The following EHD3 variants were observed in gnomAD, a reference collection of about 807,000 sequenced individuals.
EHD3 encodes EH domain-containing protein 3.
A neutral mutation model predicts 43.0 loss-of-function variants in EHD3; 17 were observed. The ratio of observed to expected loss-of-function variants is 0.40; its 90% CI spans 0.27 to 0.59. The LOEUF is 0.59. Ranked by LOEUF, EHD3 falls within the 20% of genes least tolerant of loss-of-function variation. The pLI, the probability that EHD3 is intolerant of heterozygous loss-of-function variation, is 0.49. For missense variants in EHD3, 594 were observed against 705.6 expected (o/e 0.84, Z 1.79); for synonymous variants, 313 against 289.5 (o/e 1.08, Z -0.82).
chr2:31,246,680 C>A (rs538922299), intron 2 of EHD3, among the ~76,000 whole-genome samples: 1 of 152,224 alleles, frequency 6.6e-6, no homozygotes, highest in South Asian at 2.1e-4. Context: ...TCAAACCCAG[C>A]AAGTCTCATT....
chr2:31,239,456 C>T (rs756344241), intron 1 of EHD3, among the ~76,000 whole-genome samples: 5 of 152,230 alleles, frequency 3.3e-5, no homozygotes, highest in African/African-American at 4.8e-5. Flanking sequence ...CCGCGTGCCT[C>T]GGCCTGGCTT....
At chr2:31,239,291 C>T (rs1683375577) in intron 1 of EHD3, among the ~76,000 whole-genome samples, 1 of 152,204 alleles carries the variant, frequency 6.6e-6, no homozygotes, top group African/African-American at 2.4e-5. Flanking sequence ...CCACCTTCAG[C>T]CCTGTCCACC....
rs888204925 is a variant in EHD3 at position 31,244,989 on chromosome 2, T to C, written c.404+539T>C. The stretch of plus-strand genomic sequence containing the variant: ...AGCCTTGCAGATACCAAGATCATCA[T>C]GATGATGTGAATGGAGAAAGCTCTA... On this transcript the variant is annotated intron_variant, in intron 2 of 5. Coordinates refer to ENST00000322054, the MANE Select transcript of EHD3 (RefSeq NM_014600.3). 7.0e-4 allele frequency among the ~76,000 whole-genome samples: 107 copies of C among 152,188 alleles called. 1 individual carries two copies. Among genetic ancestry groups the C allele is most frequent in the Non-Finnish European group, 2.9e-4 (20 of 68,040 alleles).
chr2:31,266,399 G>A lies in EHD3; in HGVS notation c.1303G>A (p.Asp435Asn), dbSNP rs765964312. The A allele has an allele frequency of 9.3e-6, 15 of 1,613,944 alleles. No individual in the cohort carries two copies. Among genetic ancestry groups the A allele is most frequent in the Admixed American group, 3.3e-5 (2 of 59,992 alleles). Residue 435 changes from aspartate (D) to asparagine (N), a missense_variant, in exon 6 of 6, where the codon GAT becomes AAT. Physicochemically the swap from Asp to Asn is conservative, Grantham distance 23. Around this residue, in one of 3 missense-constraint regions of EHD3, gnomAD observed 322 missense variants for 348.0 expected, o/e 0.93. Transcript: ENST00000322054. This position sits in a 1 kb window ranked among gnomAD's most constrained non-coding sequence, Gnocchi z 5.1. ...TGGGGAGGGGGCTGGAGAAGGTATC[G>A]ATGATGCTGAGTGGGTGGTGGCCAG... is the stretch of plus-strand genomic sequence containing the variant. ...GYGEGAGEGIDDAEWVVARDK... is the reference protein window; with the variant it reads ...GYGEGAGEGINDAEWVVARDK...
At chr2:31,261,235 A>G (rs1558652249) in intron 4 of EHD3, among the ~76,000 whole-genome samples, 1 of 152,186 alleles carries the variant, frequency 6.6e-6, no homozygotes, top group East Asian at 1.9e-4. Context: ...AGCCCTCATC[A>G]CAGTGTCTGG....
chr2:31,252,980 T>G (rs1032113852), intron 3 of EHD3, among the ~76,000 whole-genome samples: 2 of 152,100 alleles, frequency 1.3e-5, no homozygotes, highest in Non-Finnish European at 2.9e-5. Context: ...ACCAGGACAG[T>G]TGGGGGAAGG....
intron 3 of EHD3, among the ~76,000 whole-genome samples, chr2:31,250,239 T>C (rs977198115): frequency 6.6e-6 from 1 of 151,806 alleles, no homozygotes; most frequent in Non-Finnish European, 1.5e-5. Flanking sequence ...TGAGGGATTA[T>C]AGATGATCAT....
At chr2:31,246,900 C>CTT (rs531957552) in intron 2 of EHD3, among the ~76,000 whole-genome samples, 14 of 143,696 alleles carry the variant, frequency 9.7e-5, no homozygotes, top group African/African-American at 3.3e-4. Flanking sequence ...CAGTGGTTAC[C>CTT]TTTTTTTTTT....
intron 1 of EHD3, among the ~76,000 whole-genome samples, chr2:31,242,989 A>T (rs1281929504): frequency 6.6e-6 from 1 of 151,478 alleles, no homozygotes; most frequent in Non-Finnish European, 1.5e-5. Flanking sequence ...TAAATAAATA[A>T]AATCAGGTCA....
intron 1 of EHD3, among the ~76,000 whole-genome samples, chr2:31,239,379 A>G (rs1205605673): frequency 7.2e-5 from 11 of 152,148 alleles, no homozygotes; most frequent in Admixed American, 7.2e-4. Context: ...GTGAAAATCC[A>G]CCTGCTTCTT....
At chr2:31,246,549 TAA>T (rs1401528995) in intron 2 of EHD3, among the ~76,000 whole-genome samples, 1 of 152,214 alleles carries the variant, frequency 6.6e-6, no homozygotes, top group East Asian at 1.9e-4. Flanking sequence ...ATTGTGCTTA[TAA>T]TGATATAGTG....
At chr2:31,235,789 G>A (rs769779577) in intron 1 of EHD3, among the ~76,000 whole-genome samples, 2 of 152,308 alleles carry the variant, frequency 1.3e-5, no homozygotes, top group Non-Finnish European at 2.9e-5. Flanking sequence ...TCCACCAGAG[G>A]CCCTTCTTAT....
At position 31,266,344 on chromosome 2, in the gene EHD3, C is replaced by T. The variant is rs61742886; in HGVS notation, c.1248C>T (p.Gly416=). Residue 416 remains glycine (G), a synonymous_variant, in exon 6 of 6, where the codon GGC becomes GGT. Transcript: ENST00000322054. This position sits in a 1 kb window ranked among gnomAD's most constrained non-coding sequence, Gnocchi z 5.1. ...TGGTGAAGGGCGGAGCGTTCGAGGGCACCCTGCACGGCCCCTTTGGGCATG... is the reference window on the plus strand; with the variant it reads ...TGGTGAAGGGCGGAGCGTTCGAGGGTACCCTGCACGGCCCCTTTGGGCATG... The part of the protein sequence containing the change: ...IQMVKGGAFE[G]TLHGPFGHGY... The T allele has an allele frequency of 4.6e-5, 75 of 1,614,184 alleles. No individual in the cohort carries two copies. In the African/African-American group the frequency reaches 9.3e-4, roughly 20 times the overall value.
intron 1 of EHD3, among the ~76,000 whole-genome samples, 195 bp downstream of exon 1, chr2:31,235,043 T>A (rs1397803040): frequency 6.6e-6 from 1 of 152,064 alleles, no homozygotes; most frequent in East Asian, 1.9e-4. Flanking sequence ...TCCTACCCAA[T>A]ACCTGTCCAC....
intron 3 of EHD3, among the ~76,000 whole-genome samples, chr2:31,251,250 G>A (rs1221715018): frequency 6.6e-6 from 1 of 152,248 alleles, no homozygotes; most frequent in East Asian, 1.9e-4. Context: ...GTGTGGTGCA[G>A]GGCCAGGCTC....
intron 1 of EHD3, among the ~76,000 whole-genome samples, chr2:31,236,891 G>A (rs1683334285): frequency 6.6e-6 from 1 of 152,184 alleles, no homozygotes; most frequent in Non-Finnish European, 1.5e-5. Flanking sequence ...CTTTGCCTAA[G>A]TCATCACTGG....
Position 31,244,220 on chromosome 2 carries a change from C to T in EHD3, c.228-54C>T, listed in dbSNP as rs556105310. On this transcript the variant is annotated intron_variant, in intron 1 of 5. Transcript: ENST00000322054. The stretch of plus-strand genomic sequence containing the variant: ...GTTGTCTGCCTTATAGTAGACATGC[C>T]GTGTTGATCTTTGCGCAGAACGCCT... 181 of 1,548,978 alleles carry T rather than the reference C, an allele frequency of 1.2e-4. 4 individuals carry two copies. The East Asian group carries it at 3.4e-3, about 29-fold the overall frequency.
At chr2:31,244,222 T>C in intron 1 of EHD3, 52 bp from the exon 2 acceptor site, 3 of 1,565,242 alleles carry the variant, frequency 1.9e-6, no homozygotes, top group Middle Eastern at 1.8e-4. Context: ...AGACATGCCG[T>C]GTTGATCTTT....
In EHD3 at chr2:31,268,690, G is replaced by T. The variant is rs945587371; in HGVS notation, c.*1986G>T. ...CACATGAAATGAAGGGCAGACAAAGGCCAGGCAAAGAGGTCTCACCTGCTC... is the reference window on the plus strand; with the variant it reads ...CACATGAAATGAAGGGCAGACAAAGTCCAGGCAAAGAGGTCTCACCTGCTC... On this transcript the variant is annotated 3_prime_UTR_variant, in exon 6 of 6. Transcript: ENST00000322054. 6.6e-6 allele frequency: 1 copy of T among 152,242 alleles called. No individual in the cohort carries two copies. The highest frequency in any genetic ancestry group is 2.4e-5 in the African/African-American group (1 of 41,446). The allele number at this position is 152,242 out of a possible 1,614,324, so 9.4% of individuals were successfully genotyped here.
Sources: allele counts gnomAD v4.1 joint callset (sites outside exome capture counted in the v4.1 genomes callset), GRCh38; gene constraint gnomAD v4.1.1; regional missense constraint gnomAD v4.1.1; non-coding constraint Gnocchi (gnomAD v3.1); transcripts MANE v1.5; gene names NCBI Gene and HGNC (gene_info 2026-07-23, HGNC 2026-07-21).